LIN7A: variants seen among roughly 807,000 people sequenced by gnomAD.
LIN7A encodes protein lin-7 homolog A.
LIN7A carries 25 observed loss-of-function variants against 29.8 expected under a neutral mutation model. The ratio of observed to expected loss-of-function variants is 0.84; its 90% CI spans 0.61 to 1.17. The LOEUF is 1.17. Ranked by LOEUF, LIN7A falls within the 50% of genes most tolerant of loss-of-function variation. LIN7A has a pLI of 0.00. For synonymous variants in LIN7A, 118 were observed against 107.5 expected (o/e 1.10, Z -0.60); for missense variants, 239 against 287.0 (o/e 0.83, Z 1.21).
intron 1 of LIN7A, among the ~76,000 whole-genome samples, chr12:80,897,843 G>A (rs1404596801): frequency 6.6e-6 from 1 of 151,954 alleles, no homozygotes; most frequent in Non-Finnish European, 1.5e-5. Context: ...ATAATTGATT[G>A]CATTAAGTCA....
intron 4 of LIN7A, among the ~76,000 whole-genome samples, chr12:80,812,450 TAAAAAAAA>T (rs199686456): frequency 0.064 from 8,382 of 131,484 alleles, 821 homozygotes; most frequent in African/African-American, 0.21. Flanking sequence ...TCAAACACTG[TAAAAAAAA>T]AAAAAAAAAA....
chr12:80,848,188 C>T (rs892802174), intron 3 of LIN7A, 63 bp downstream of exon 3: 27 of 1,189,990 alleles, frequency 2.3e-5, no homozygotes, highest in Admixed American at 3.5e-5. Context: ...GAAACACACA[C>T]GCGCACAATC....
At chr12:80,923,192 G>A (rs537505498) in intron 1 of LIN7A, among the ~76,000 whole-genome samples, 2 of 152,324 alleles carry the variant, frequency 1.3e-5, no homozygotes, top group East Asian at 1.9e-4. Flanking sequence ...GTCCTTGGAC[G>A]TCAGAACTGC....
intron 1 of LIN7A, among the ~76,000 whole-genome samples, chr12:80,899,453 T>C (rs946150114): frequency 1.3e-5 from 2 of 152,166 alleles, no homozygotes; most frequent in Admixed American, 6.5e-5. Flanking sequence ...TTTTTTGTTG[T>C]TGTGTTTCTG....
At chr12:80,836,242 C>T (rs1872584663) in intron 4 of LIN7A, among the ~76,000 whole-genome samples, 1 of 152,224 alleles carries the variant, frequency 6.6e-6, no homozygotes, top group South Asian at 2.1e-4. Flanking sequence ...GCTGCTCCTA[C>T]ATGGCAAATC....
intron 1 of LIN7A, among the ~76,000 whole-genome samples, chr12:80,931,498 G>A (rs1338262758): frequency 6.6e-6 from 1 of 151,972 alleles, no homozygotes; most frequent in African/African-American, 2.4e-5. Flanking sequence ...AAAAACATCA[G>A]CTGGGCCTGG....
chr12:80,882,139 A>C (rs1006513102), intron 2 of LIN7A, among the ~76,000 whole-genome samples: 1 of 152,052 alleles, frequency 6.6e-6, no homozygotes, highest in East Asian at 1.9e-4. Context: ...AGAACTACAT[A>C]CATAGGTACA....
At chr12:80,873,920 T>G (rs1034364798) in intron 2 of LIN7A, among the ~76,000 whole-genome samples, 1 of 152,052 alleles carries the variant, frequency 6.6e-6, no homozygotes, top group Admixed American at 6.6e-5. Context: ...ACTGCTATTT[T>G]GCCCTACAAC....
At chr12:80,896,339 A>T (rs1185865996) in intron 1 of LIN7A, among the ~76,000 whole-genome samples, 1 of 152,234 alleles carries the variant, frequency 6.6e-6, no homozygotes, top group Non-Finnish European at 1.5e-5. Context: ...AATAAATAAC[A>T]CTGGCTACTG....
intron 4 of LIN7A, among the ~76,000 whole-genome samples, chr12:80,813,298 AC>A (rs1468453368): frequency 6.6e-6 from 1 of 152,242 alleles, no homozygotes; most frequent in African/African-American, 2.4e-5. Context: ...GGCGTAAGCC[AC>A]CGTGCCTGGT....
chr12:80,833,216 A>G, intron 4 of LIN7A, among the ~76,000 whole-genome samples: 1 of 152,170 alleles, frequency 6.6e-6, no homozygotes, highest in South Asian at 2.1e-4. Flanking sequence ...ACAACCTCCA[A>G]GTACTCAGCT....
intron 1 of LIN7A, among the ~76,000 whole-genome samples, chr12:80,927,230 C>T (rs943023963): frequency 3.1e-5 from 4 of 127,770 alleles, no homozygotes; most frequent in Non-Finnish European, 6.2e-5. Context: ...GGCGTGATCT[C>T]GGCTCATTGC....
rs531213584 is a variant in LIN7A at position 80,793,653 on chromosome 12, G to A, written c.*4074C>T. ...AATGAATAAACACATGGAAACATCT[G>A]AGTAAGTATGTGATTAAACTTCAGC... On this transcript the variant is annotated 3_prime_UTR_variant, in exon 6 of 6. Coordinates refer to ENST00000552864, the MANE Select transcript of LIN7A (RefSeq NM_004664.4). 43 of 152,246 alleles carry A rather than the reference G, an allele frequency of 2.8e-4. No homozygotes were observed. Among genetic ancestry groups the A allele is most frequent in the Middle Eastern group, 3.4e-3 (1 of 294 alleles). 9.4% of individuals were successfully genotyped at this position (152,246 alleles called of 1,614,324 possible).
chr12:80,879,916 C>T (rs996748734), intron 2 of LIN7A, among the ~76,000 whole-genome samples: 12 of 152,148 alleles, frequency 7.9e-5, no homozygotes, highest in Admixed American at 3.3e-4. Flanking sequence ...AACCCTTTGT[C>T]CTCAAGTCAA....
At chr12:80,869,222 CAAAT>C (rs1353207862) in intron 2 of LIN7A, among the ~76,000 whole-genome samples, 1 of 151,526 alleles carries the variant, frequency 6.6e-6, no homozygotes, top group Non-Finnish European at 1.5e-5. Context: ...GTTCATGAGA[CAAAT>C]GAACAGAATT....
rs1209616057 is a variant in LIN7A, at chr12:80,793,500, T to G, written c.*4227A>C. ...AGAGGACCCAATGGACAGTAAACTC[T>G]CTAGTTATTGCTAGAGTAAATGTTG... On this transcript the variant is annotated 3_prime_UTR_variant, in exon 6 of 6. Coordinates refer to ENST00000552864, the MANE Select transcript of LIN7A (RefSeq NM_004664.4). 1.3e-5 allele frequency: 2 copies of G among 152,182 alleles called. No homozygotes were observed. The highest frequency in any genetic ancestry group is 2.4e-5 in the African/African-American group (1 of 41,438). 9.4% of individuals were successfully genotyped at this position (152,182 alleles called of 1,614,324 possible).
intron 2 of LIN7A, among the ~76,000 whole-genome samples, chr12:80,850,642 T>A (rs1481720652): frequency 5.3e-5 from 8 of 152,244 alleles, no homozygotes; most frequent in East Asian, 1.9e-4. Flanking sequence ...ATTCCTACAA[T>A]GCACAGTGAA....
intron 2 of LIN7A, among the ~76,000 whole-genome samples, chr12:80,850,377 A>C (rs1401651964): frequency 6.6e-6 from 1 of 152,142 alleles, no homozygotes; most frequent in African/African-American, 2.4e-5. Flanking sequence ...ATGTTTCCAA[A>C]AGTTAGCTAT....
At chr12:80,868,285 C>G (rs1257873731) in intron 2 of LIN7A, among the ~76,000 whole-genome samples, 1 of 152,202 alleles carries the variant, frequency 6.6e-6, no homozygotes, top group East Asian at 1.9e-4. Context: ...AGGAAATAAA[C>G]TGGCCAGGAA....
Sources: gnomAD v4.1 joint callset for allele counts (sites outside exome capture counted in the v4.1 genomes callset) on GRCh38, gnomAD v4.1.1 for gene constraint, MANE v1.5 for transcripts, NCBI Gene and HGNC (gene_info 2026-07-23, HGNC 2026-07-21) for gene names.